The following PEBP4 variants were observed in gnomAD, a reference collection of about 807,000 sequenced individuals.
PEBP4 encodes phosphatidylethanolamine-binding protein 4.
In PEBP4, 22 loss-of-function variants were observed where a neutral mutation model predicts 23.9. That is an observed-to-expected ratio of 0.92 (90% CI 0.66 to 1.31). The LOEUF (loss-of-function observed/expected upper bound fraction) is 1.31, where lower values mean the gene tolerates loss of function less well. Among genes scored for constraint, PEBP4 ranks in the 40% most tolerant of loss-of-function variants. The pLI is 0.00. For missense variants in PEBP4, 324 were observed against 281.7 expected (o/e 1.15, Z -1.07); for synonymous variants, 112 against 99.3 (o/e 1.13, Z -0.76).
intron 4 of PEBP4, among the ~76,000 whole-genome samples, chr8:22,746,288 G>A (rs1805115154): frequency 6.6e-6 from 1 of 152,134 alleles, no homozygotes; most frequent in Admixed American, 6.5e-5. Flanking sequence ...GTTAGAGAGA[G>A]CTCTGGGTAC....
At chr8:22,805,441 C>T (rs1304885344) in intron 4 of PEBP4, among the ~76,000 whole-genome samples, 1 of 152,264 alleles carries the variant, frequency 6.6e-6, no homozygotes, top group Non-Finnish European at 1.5e-5. Context: ...ATTCTCCTGC[C>T]TCAGCCTCCC....
intron 4 of PEBP4, among the ~76,000 whole-genome samples, chr8:22,750,784 G>T (rs576714528): frequency 6.6e-6 from 1 of 152,296 alleles, no homozygotes; most frequent in South Asian, 2.1e-4. Flanking sequence ...AAAGGGGTCA[G>T]TCTGTACAGT....
intron 4 of PEBP4, among the ~76,000 whole-genome samples, chr8:22,806,856 T>G (rs1401432090): frequency 6.6e-6 from 1 of 152,240 alleles, no homozygotes; most frequent in Non-Finnish European, 1.5e-5. Flanking sequence ...CAAGCTGTAC[T>G]GTGCTTACTG....
chr8:22,758,538 G>A lies in PEBP4; in HGVS notation c.358-31318C>T, dbSNP rs1404414369. ...TTTACCTGGTAGAAAGTGGGTGGGT[G>A]GGAGTTTGGAAATGGACAGAAAAGC... is the stretch of plus-strand genomic sequence containing the variant. On this transcript the variant is annotated intron_variant, in intron 4 of 6. Coordinates refer to ENST00000256404, the MANE Select transcript of PEBP4 (RefSeq NM_144962.3). 4.6e-5 allele frequency among the ~76,000 whole-genome samples: 7 copies of A among 152,224 alleles called. No individual in the cohort carries two copies. In the East Asian group the frequency reaches 1.3e-3, roughly 29 times the overall value.
chr8:22,728,628 C>T (rs1202030120), intron 4 of PEBP4, among the ~76,000 whole-genome samples: 1 of 140,438 alleles, frequency 7.1e-6, no homozygotes, highest in Non-Finnish European at 1.5e-5. Flanking sequence ...TTTGGAGTCT[C>T]GCTCTGTCAT....
At chr8:22,924,064 C>A (rs1478914250) in intron 2 of PEBP4, among the ~76,000 whole-genome samples, 1 of 152,122 alleles carries the variant, frequency 6.6e-6, no homozygotes, top group Non-Finnish European at 1.5e-5. Context: ...GTGGGTCACC[C>A]CACTTGAAAA....
At position 22,876,284 on chromosome 8, in the gene PEBP4, G is replaced by A. The variant is rs528305135; in HGVS notation, c.258+43900C>T. ...TGCTAACACGTACCATGCGTACAACGGTGGCGTGTCTACTGGCTCTGCCAG... is the reference window on the plus strand; with the variant it reads ...TGCTAACACGTACCATGCGTACAACAGTGGCGTGTCTACTGGCTCTGCCAG... On this transcript the variant is annotated intron_variant, in intron 3 of 6. Coordinates refer to ENST00000256404, the MANE Select transcript of PEBP4 (RefSeq NM_144962.3). 1.1e-4 allele frequency among the ~76,000 whole-genome samples: 17 copies of A among 152,304 alleles called. No individual in the cohort carries two copies. The East Asian group carries it at 1.7e-3, about 16-fold the overall frequency.
intron 6 of PEBP4, 115 bp from the exon 7 acceptor site, chr8:22,713,651 T>C (rs900711481): frequency 2.1e-6 from 3 of 1,441,662 alleles, no homozygotes; most frequent in African/African-American, 2.8e-5. Flanking sequence ...GGTGATGCGA[T>C]GGCCATGGGG....
chr8:22,809,897 C>T (rs898514843), intron 4 of PEBP4, among the ~76,000 whole-genome samples: 2 of 152,246 alleles, frequency 1.3e-5, no homozygotes, highest in African/African-American at 4.8e-5. Flanking sequence ...GCACACCTTA[C>T]AGGTCACCTG....
At chr8:22,913,727 T>G (rs1809000216) in intron 3 of PEBP4, among the ~76,000 whole-genome samples, 1 of 152,220 alleles carries the variant, frequency 6.6e-6, no homozygotes, top group Non-Finnish European at 1.5e-5. Flanking sequence ...TTTATCACCT[T>G]GGAATGAGCA....
chr8:22,865,855 C>A lies in PEBP4; in HGVS notation c.259-48120G>T. 6.6e-6 allele frequency among the ~76,000 whole-genome samples: 1 copy of A among 152,188 alleles called. No homozygotes were observed. Among genetic ancestry groups the A allele is most frequent in the Non-Finnish European group, 1.5e-5 (1 of 68,018 alleles). On this transcript the variant is annotated intron_variant, in intron 3 of 6. Transcript: ENST00000256404. This position sits in a 1 kb window ranked among gnomAD's most constrained non-coding sequence, Gnocchi z 6.9. ...GGCTCGAACTCCCGACAAGACTGAG[C>A]GCAGGGCCCACCCCGGCTGTCCCAG...
chr8:22,921,711 T>C (rs1809204992), intron 2 of PEBP4, among the ~76,000 whole-genome samples: 1 of 152,230 alleles, frequency 6.6e-6, no homozygotes. Flanking sequence ...TTGTTTCTTC[T>C]AACTCTTTGC....
chr8:22,822,959 T>A (rs182938393), intron 3 of PEBP4, among the ~76,000 whole-genome samples: 1 of 152,100 alleles, frequency 6.6e-6, no homozygotes, highest in East Asian at 1.9e-4. Context: ...CTAAAGGTAA[T>A]AATAAATGTA....
intron 4 of PEBP4, among the ~76,000 whole-genome samples, chr8:22,733,283 T>C (rs558539478): frequency 1.3e-5 from 2 of 152,344 alleles, no homozygotes; most frequent in South Asian, 2.1e-4. Context: ...GTGGGCGCCC[T>C]GGCCCAGTGC....
At chr8:22,755,481 G>A (rs1386401976) in intron 4 of PEBP4, among the ~76,000 whole-genome samples, 1 of 151,874 alleles carries the variant, frequency 6.6e-6, no homozygotes, top group Non-Finnish European at 1.5e-5. Context: ...GATTACAGGT[G>A]CCCGCCACCA....
chr8:22,899,881 A>G (rs947365569), intron 3 of PEBP4, among the ~76,000 whole-genome samples: 39 of 152,036 alleles, frequency 2.6e-4, no homozygotes, highest in Admixed American at 2.3e-3. Context: ...CATGTTATGC[A>G]TGAGGAGATC....
intron 4 of PEBP4, among the ~76,000 whole-genome samples, chr8:22,751,588 C>CTGTGTG (rs139334012): frequency 2.9e-4 from 42 of 147,252 alleles, no homozygotes; most frequent in Admixed American, 9.4e-4. Context: ...AGGAGTGTGT[C>CTGTGTG]TGTGTGTGTG....
chr8:22,938,829 TTTGTC>T (rs1809573320), intron 1 of PEBP4, among the ~76,000 whole-genome samples: 2 of 152,208 alleles, frequency 1.3e-5, no homozygotes, highest in Admixed American at 1.3e-4. Flanking sequence ...GAGGGCCCCA[TTTGTC>T]TCTGCATTCC....
At chr8:22,924,544 G>T in intron 2 of PEBP4, 2 of 506,486 alleles carry the variant, frequency 3.9e-6, no homozygotes, top group Non-Finnish European at 5.1e-6. Flanking sequence ...TGCACCTCGT[G>T]GATCCGCACT....
Sources: allele counts gnomAD v4.1 joint callset (sites outside exome capture counted in the v4.1 genomes callset), GRCh38; gene constraint gnomAD v4.1.1; non-coding constraint Gnocchi (gnomAD v3.1); transcripts MANE v1.5; gene names NCBI Gene and HGNC (gene_info 2026-07-23, HGNC 2026-07-21).